WIPF3: variants seen among roughly 807,000 people sequenced by gnomAD.
The protein encoded by WIPF3 is WAS/WASL interacting protein family member 3, also known as WAS/WASL-interacting protein family member 3.
A neutral mutation model predicts 38.9 loss-of-function variants in WIPF3; 33 were observed. That is an observed-to-expected ratio of 0.85 (90% CI 0.64 to 1.14). WIPF3 has a LOEUF of 1.14. Ranked by LOEUF, WIPF3 falls within the 50% of genes most tolerant of loss-of-function variation. The probability of loss-of-function intolerance (pLI) is 0.00; values close to 1 mark genes in which losing one functional copy is unlikely to be tolerated. For synonymous variants in WIPF3, 324 were observed against 269.3 expected, an observed-to-expected ratio of 1.20 and a Z score of -1.99; for missense variants, 711 against 652.5, an observed-to-expected ratio of 1.09 and a Z score of -0.98.
chr7:29,834,808 A>G lies in WIPF3; in HGVS notation c.84A>G (p.Ala28=). 2 of 1,141,198 alleles carry G rather than the reference A, an allele frequency of 1.8e-6. No individual in the cohort carries two copies. Among genetic ancestry groups the G allele is most frequent in the Non-Finnish European group, 2.2e-6 (2 of 916,660 alleles). 70.7% of individuals were successfully genotyped at this position (1,141,198 alleles called of 1,614,324 possible). ...CTCCTCCCCCTCCCCCACCATCAGC[A>G]CCCCCGGTAAGACCTTTTTTTCTGA... The part of the protein sequence containing the change: ...LGAPPPPPPS[A]PPVSTDTSSL... The change falls in exon 2 of 9, where the codon GCA becomes GCG. Residue 28 remains alanine, a synonymous_variant. Transcript: ENST00000242140.
At chr7:29,874,136 C>T (rs961523340) in intron 2 of WIPF3, among the ~76,000 whole-genome samples, 3 of 151,866 alleles carry the variant, frequency 2.0e-5, no homozygotes, top group East Asian at 1.9e-4. Context: ...TGGCTTAACT[C>T]GCTATAGTGT....
chr7:29,890,372 AG>A (rs1468378056), intron 7 of WIPF3, among the ~76,000 whole-genome samples: 6 of 19,440 alleles, frequency 3.1e-4, no homozygotes, highest in Non-Finnish European at 2.9e-4. Flanking sequence ...AAAAAAAAAA[AG>A]AGAGAGAGAG....
At chr7:29,864,151 G>A (rs1208233785) in intron 2 of WIPF3, among the ~76,000 whole-genome samples, 1 of 152,150 alleles carries the variant, frequency 6.6e-6, no homozygotes, top group African/African-American at 2.4e-5. Context: ...TGTATTGTCA[G>A]CTATAGTTTT....
At position 29,881,938 on chromosome 7, in the gene WIPF3, C is replaced by T. The variant is rs1357324561; in HGVS notation, c.356-1912C>T. 3.9e-5 allele frequency among the ~76,000 whole-genome samples: 6 copies of T among 152,208 alleles called. No homozygotes were observed. The South Asian group carries it at 8.3e-4, about 21-fold the overall frequency. On this transcript the variant is annotated intron_variant, in intron 4 of 8. Coordinates refer to ENST00000242140, the MANE Select transcript of WIPF3 (RefSeq NM_001080529.3). ...TCCATTGTGAAGGACAGCCTCCTCC[C>T]TTACTTCCTTCAACTCCCTCGGAGC...
chr7:29,895,518 A>G (rs1306253782), intron 7 of WIPF3, among the ~76,000 whole-genome samples: 1 of 152,234 alleles, frequency 6.6e-6, no homozygotes, highest in African/African-American at 2.4e-5. Flanking sequence ...TTGCTACAAC[A>G]TGGATAAACC....
chr7:29,908,056 C>T (rs1343486761), intron 8 of WIPF3, among the ~76,000 whole-genome samples: 1 of 152,112 alleles, frequency 6.6e-6, no homozygotes, highest in Non-Finnish European at 1.5e-5. Context: ...AATCAAAAGA[C>T]AGAGATTGGC....
chr7:29,863,022 C>T, intron 2 of WIPF3, among the ~76,000 whole-genome samples: 1 of 152,068 alleles, frequency 6.6e-6, no homozygotes, highest in East Asian at 1.9e-4. Context: ...CTTCCATGTC[C>T]CAATTTTTCT....
intron 2 of WIPF3, among the ~76,000 whole-genome samples, chr7:29,853,577 C>G (rs1359964542): frequency 6.6e-6 from 1 of 152,240 alleles, no homozygotes; most frequent in Non-Finnish European, 1.5e-5. Flanking sequence ...CAGTGTTTCT[C>G]ACACAGGGGC....
chr7:29,866,633 GCCTTGGCTGT>G (rs2128071543), intron 2 of WIPF3, among the ~76,000 whole-genome samples: 1 of 152,368 alleles, frequency 6.6e-6, no homozygotes, highest in Non-Finnish European at 1.5e-5. Flanking sequence ...CTGTCATTCA[GCCTTGGCTGT>G]CCTTTCTGGC....
chr7:29,823,255 G>A lies in WIPF3; in HGVS notation c.-57-11413G>A, dbSNP rs543472994. On this transcript the variant is annotated intron_variant, in intron 1 of 8. Transcript: ENST00000242140. The surrounding 1 kb of genome is among the most constrained non-coding windows in gnomAD (Gnocchi z 4.0). ...TTTTCTAGTGTGCACTGTAAGCTTT[G>A]AGAACCCAACATTCATTTTTTTTTT... Among the ~76,000 whole-genome samples the A allele has an allele frequency of 1.3e-5, 2 of 152,114 alleles. No individual in the cohort carries two copies. Among genetic ancestry groups the A allele is most frequent in the East Asian group, 1.9e-4 (1 of 5,168 alleles).
intron 2 of WIPF3, among the ~76,000 whole-genome samples, chr7:29,859,939 G>A (rs1012700851): frequency 6.6e-6 from 1 of 152,192 alleles, no homozygotes; most frequent in Non-Finnish European, 1.5e-5. Flanking sequence ...GTCAGGTAGA[G>A]GGAATGCCTG....
chr7:29,913,261 G>T (rs963295068), intron 8 of WIPF3, among the ~76,000 whole-genome samples: 3 of 150,640 alleles, frequency 2.0e-5, no homozygotes, highest in Non-Finnish European at 4.4e-5. Context: ...CAAGAGAAGC[G>T]CTTGAACCCG....
chr7:29,908,416 C>T (rs1399548643), intron 8 of WIPF3, among the ~76,000 whole-genome samples: 1 of 152,044 alleles, frequency 6.6e-6, no homozygotes, highest in Non-Finnish European at 1.5e-5. Flanking sequence ...ATCAAATATC[C>T]TACTCCTAAT....
At chr7:29,841,640 A>G (rs1012456634) in intron 2 of WIPF3, among the ~76,000 whole-genome samples, 1 of 152,094 alleles carries the variant, frequency 6.6e-6, no homozygotes. Flanking sequence ...GTGAAACCCC[A>G]TCTCTACTAA....
At chr7:29,889,000 G>A (rs1319019831) in intron 6 of WIPF3, among the ~76,000 whole-genome samples, 2 of 152,152 alleles carry the variant, frequency 1.3e-5, no homozygotes, top group Non-Finnish European at 2.9e-5. Context: ...ACCCTGGAGA[G>A]CCCCATGCCA....
At chr7:29,895,439 A>G (rs1206216756) in intron 7 of WIPF3, among the ~76,000 whole-genome samples, 1 of 152,232 alleles carries the variant, frequency 6.6e-6, no homozygotes, top group Non-Finnish European at 1.5e-5. Context: ...ATGAACACAG[A>G]AGCAAAATGT....
At chr7:29,855,390 G>A (rs1476075395) in intron 2 of WIPF3, among the ~76,000 whole-genome samples, 1 of 152,206 alleles carries the variant, frequency 6.6e-6, no homozygotes, top group African/African-American at 2.4e-5. Flanking sequence ...GACATAAATT[G>A]CTGAGTGTGC....
At chr7:29,853,153 G>A (rs534022494) in intron 2 of WIPF3, among the ~76,000 whole-genome samples, 26 of 152,312 alleles carry the variant, frequency 1.7e-4, no homozygotes, top group Admixed American at 4.6e-4. Flanking sequence ...AACTGGGGCT[G>A]CACCCCTGCT....
chr7:29,835,778 G>A (rs1018345595), intron 2 of WIPF3, among the ~76,000 whole-genome samples: 1 of 152,174 alleles, frequency 6.6e-6, no homozygotes, highest in African/African-American at 2.4e-5. Flanking sequence ...CGAGATGACG[G>A]TATGGCACAC....
Sources: allele counts gnomAD v4.1 joint callset (sites outside exome capture counted in the v4.1 genomes callset), GRCh38; gene constraint gnomAD v4.1.1; non-coding constraint Gnocchi (gnomAD v3.1); transcripts MANE v1.5; gene names NCBI Gene and HGNC (gene_info 2026-07-23, HGNC 2026-07-21).